The following C11orf98 variants were observed in gnomAD, a reference collection of about 807,000 sequenced individuals.
C11orf98 encodes 28S rRNA/ribosome and sororin micro-cofactor.
Under a neutral mutation model 10.9 loss-of-function variants are expected in C11orf98, and 7 were observed. The observed-to-expected ratio is 0.64, with a 90% CI of 0.37 to 1.21. The LOEUF (loss-of-function observed/expected upper bound fraction) is 1.21. Ranked by LOEUF, C11orf98 falls within the 50% of genes most tolerant of loss-of-function variation. C11orf98 has a pLI of 0.02. For missense variants in C11orf98, 181 were observed against 153.7 expected (o/e 1.18, Z -0.94); for synonymous variants, 70 against 57.2 (o/e 1.22, Z -1.01).
In C11orf98 at chr11:62,665,184, T is replaced by G. The variant is rs557442732; in HGVS notation, c.-15A>C. ...GGAGCTCCCATAGTCGCGATTCCAC[T>G]CCAGTTCACGGTCCGTACTTCCGCT... is the stretch of plus-strand genomic sequence containing the variant. On this transcript the variant is annotated 5_prime_UTR_variant, in exon 1 of 4. Transcript: ENST00000524958. 3.8e-3 allele frequency: 3,072 copies of G among 815,190 alleles called. 65 individuals are homozygous for G. The African/African-American group carries it at 0.046, about 12-fold the overall frequency. The allele number at this position is 815,190 out of a possible 1,614,324, so 50.5% of individuals were successfully genotyped here. A position where few individuals can be genotyped will look rare whatever the true frequency, so the allele number is the denominator to read the frequency against.
At chr11:62,664,082 G>GAAAA (rs71056540) in intron 2 of C11orf98, among the ~76,000 whole-genome samples, 2 of 65,930 alleles carry the variant, frequency 3.0e-5, no homozygotes, top group African/African-American at 6.1e-5. Flanking sequence ...CAAAAAAGAG[G>GAAAA]AAAAAAAAAA....
intron 1 of C11orf98, 38 bp downstream of exon 1, chr11:62,665,093 C>T (rs754863234): frequency 6.9e-7 from 1 of 1,443,824 alleles, no homozygotes; most frequent in South Asian, 1.2e-5. Flanking sequence ...GGCTCAGGAA[C>T]GCTTGAGGAA....
chr11:62,664,479 G>C (rs942804291), intron 2 of C11orf98, among the ~76,000 whole-genome samples: 1 of 151,642 alleles, frequency 6.6e-6, no homozygotes, highest in Non-Finnish European at 1.5e-5. Context: ...TACAGGTGCC[G>C]GCCACAACGC....
At position 62,664,993 on chromosome 11, in the gene C11orf98, G is replaced by C. The variant is rs1442118765; in HGVS notation, c.40-20C>G. The stretch of plus-strand genomic sequence containing the variant: ...CAGCTCCTGCCGGGGAGAAAGATGC[G>C]AATCAGATGGAGTGGGCTCGCCGCG... On this transcript the variant is annotated intron_variant, in intron 1 of 3. Transcript: ENST00000524958. 2 of 1,607,630 alleles carry C rather than the reference G, an allele frequency of 1.2e-6. No individual in the cohort carries two copies. The highest frequency in any genetic ancestry group is 1.7e-6 in the Non-Finnish European group (2 of 1,179,756).
At chr11:62,664,497 A>AT (rs1944740898) in intron 2 of C11orf98, among the ~76,000 whole-genome samples, 2 of 151,696 alleles carry the variant, frequency 1.3e-5, no homozygotes, top group Non-Finnish European at 2.9e-5. Flanking sequence ...CGCCTGGCTA[A>AT]TTTTTGTATT....
chr11:62,663,171 G>T lies in C11orf98; in HGVS notation c.263-12C>A. 1 of 1,613,862 alleles carries T rather than the reference G, an allele frequency of 6.2e-7. No individual in the cohort carries two copies. Among genetic ancestry groups the T allele is most frequent in the South Asian group, 1.1e-5 (1 of 91,080 alleles). ...TGAAGGGGCTTCCACTGAGTAAAGG[G>T]AAGAAGGAAGTATTATCCCAAATAA... On this transcript the variant is annotated splice_polypyrimidine_tract_variant and intron_variant, in intron 3 of 3. Coordinates refer to ENST00000524958, the MANE Select transcript of C11orf98 (RefSeq NM_001286086.2).
intron 2 of C11orf98, 113 bp downstream of exon 2, chr11:62,664,736 C>T (rs1944747724): frequency 1.5e-6 from 2 of 1,355,590 alleles, no homozygotes; most frequent in East Asian, 2.5e-5. Context: ...AGACATTCCC[C>T]GCATAAGCGT....
chr11:62,663,411 A>G (rs1944706404), intron 2 of C11orf98, 78 bp from the exon 3 acceptor site: 13 of 1,456,928 alleles, frequency 8.9e-6, no homozygotes, highest in Non-Finnish European at 1.2e-5. Flanking sequence ...TGGCTATAGA[A>G]AAAGTATTAA....
intron 3 of C11orf98, 37 bp downstream of exon 3, chr11:62,663,199 C>T (rs1181953195): frequency 2.5e-6 from 4 of 1,613,626 alleles, no homozygotes; most frequent in African/African-American, 2.7e-5. Context: ...CCAAATAAAT[C>T]CAGGATTCCC....
At position 62,663,008 on chromosome 11, in the gene C11orf98, C is replaced by A; in HGVS notation, c.*42G>T. The A allele has an allele frequency of 6.9e-7, 1 of 1,459,414 alleles. No individual in the cohort carries two copies. Among genetic ancestry groups the A allele is most frequent in the South Asian group, 1.2e-5 (1 of 84,106 alleles). 90.4% of individuals were successfully genotyped at this position (1,459,414 alleles called of 1,614,324 possible). On this transcript the variant is annotated 3_prime_UTR_variant, in exon 4 of 4. Coordinates refer to ENST00000524958, the MANE Select transcript of C11orf98 (RefSeq NM_001286086.2). ...AAGTCCTCTGAAACAACCACTGAGTCTGAAGGCTGGCTCCAGTTGAGAATC... is the reference window on the plus strand; with the variant it reads ...AAGTCCTCTGAAACAACCACTGAGTATGAAGGCTGGCTCCAGTTGAGAATC...
At chr11:62,665,010 C>A (rs1273233362) in intron 1 of C11orf98, 37 bp from the exon 2 acceptor site, 1 of 1,603,594 alleles carries the variant, frequency 6.2e-7, no homozygotes, top group Admixed American at 1.7e-5. Context: ...ATGGAGTGGG[C>A]TCGCCGCGAC....
At position 62,664,976 on chromosome 11, in the gene C11orf98, G is replaced by T; in HGVS notation, c.40-3C>A. 6.2e-7 allele frequency: 1 copy of T among 1,610,540 alleles called. No homozygotes were observed. The highest frequency in any genetic ancestry group is 8.5e-7 in the Non-Finnish European group (1 of 1,179,750). On this transcript the variant is annotated splice_region_variant and splice_polypyrimidine_tract_variant and intron_variant, in intron 1 of 3. Coordinates refer to ENST00000524958, the MANE Select transcript of C11orf98 (RefSeq NM_001286086.2). ...TTGAACAGCTTCTTCTTCAGCTCCT[G>T]CCGGGGAGAAAGATGCGAATCAGAT...
chr11:62,663,736 A>G (rs1326791968), intron 2 of C11orf98, among the ~76,000 whole-genome samples: 5 of 151,094 alleles, frequency 3.3e-5, no homozygotes, highest in African/African-American at 4.8e-5. Flanking sequence ...AATATAATAT[A>G]AATAGTAATA....
chr11:62,662,958 G>T lies in C11orf98; in HGVS notation c.*92C>A. On this transcript the variant is annotated 3_prime_UTR_variant, in exon 4 of 4. Coordinates refer to ENST00000524958, the MANE Select transcript of C11orf98 (RefSeq NM_001286086.2). Reference sequence around the variant, plus strand: ...CATTAGGTAGGAGGAAATCTGGAGAGTGAAAAGGGGCCTTGCTTTTGTCAA... The same window carrying T: ...CATTAGGTAGGAGGAAATCTGGAGATTGAAAAGGGGCCTTGCTTTTGTCAA... 1 of 979,886 alleles carries T rather than the reference G, an allele frequency of 1.0e-6. No individual in the cohort carries two copies. Among genetic ancestry groups the T allele is most frequent in the Non-Finnish European group, 1.5e-6 (1 of 660,966 alleles). The allele number at this position is 979,886 out of a possible 1,614,324, so 60.7% of individuals were successfully genotyped here.
At chr11:62,663,381 T>G (rs184005430) in intron 2 of C11orf98, 48 bp from the exon 3 acceptor site, 2 of 1,569,198 alleles carry the variant, frequency 1.3e-6, no homozygotes, top group Non-Finnish European at 1.7e-6. Context: ...CTGAACCAAC[T>G]GAGGTCACAC....
intron 2 of C11orf98, among the ~76,000 whole-genome samples, chr11:62,663,969 A>G (rs1274825736): frequency 6.7e-6 from 1 of 148,314 alleles, no homozygotes; most frequent in Non-Finnish European, 1.5e-5. Context: ...GCTACTCGGG[A>G]GGCTGAGGCA....
Position 62,664,866 on chromosome 11 carries a change from G to C in C11orf98, c.147C>G (p.His49Gln). 6.4e-7 allele frequency: 1 copy of C among 1,574,076 alleles called. No individual in the cohort carries two copies. The highest frequency in any genetic ancestry group is 1.3e-5 in the African/African-American group (1 of 74,102). The change falls in exon 2 of 4, where the codon CAC (histidine) becomes CAG (glutamine). Residue 49 changes from histidine to glutamine, a missense_variant. Coordinates refer to ENST00000524958, the MANE Select transcript of C11orf98 (RefSeq NM_001286086.2). ...GTACTTACGCCCGCTTCTTGAGGTG[G>C]TGCCGCGTGATCAGCCCTTGGTCTA... ...AVIDQGLITR[H>Q]HLKKRASSAR...
chr11:62,664,979 G>A lies in C11orf98; in HGVS notation c.40-6C>T, dbSNP rs919513369. On this transcript the variant is annotated splice_region_variant and splice_polypyrimidine_tract_variant and intron_variant, in intron 1 of 3. Coordinates refer to ENST00000524958, the MANE Select transcript of C11orf98 (RefSeq NM_001286086.2). ...AACAGCTTCTTCTTCAGCTCCTGCC[G>A]GGGAGAAAGATGCGAATCAGATGGA... 5 of 1,610,124 alleles carry A rather than the reference G, an allele frequency of 3.1e-6. No homozygotes were observed. The African/African-American group carries it at 4.0e-5, about 13-fold the overall frequency.
chr11:62,665,216 C>T (rs371889644), upstream of C11orf98: 8 of 789,020 alleles, frequency 1.0e-5, no homozygotes, highest in African/African-American at 5.1e-5. Flanking sequence ...CGCTCAGCGC[C>T]GGATCCGCGG....
Sources: gnomAD v4.1 joint callset for allele counts (sites outside exome capture counted in the v4.1 genomes callset) on GRCh38, gnomAD v4.1.1 for gene constraint, MANE v1.5 for transcripts, NCBI Gene and HGNC (gene_info 2026-07-23, HGNC 2026-07-21) for gene names.